PPP6R2: variants seen among roughly 807,000 people sequenced by gnomAD.
The protein encoded by PPP6R2 is protein phosphatase 6 regulatory subunit 2.
In PPP6R2, 62 loss-of-function variants were observed where a neutral mutation model predicts 100.2. The observed-to-expected ratio is 0.62, with a 90% CI of 0.50 to 0.76. The LOEUF is 0.76. Among genes scored for constraint, PPP6R2 ranks in the 30% least tolerant of loss-of-function variants. The probability of loss-of-function intolerance (pLI) is 0.00; values close to 1 mark genes in which losing one functional copy is unlikely to be tolerated. For synonymous variants in PPP6R2, 525 were observed against 514.7 expected (o/e 1.02, Z -0.27); for missense variants, 1,142 against 1,276.3 (o/e 0.89, Z 1.60).
At chr22:50,366,017 C>A (rs2048696324) in intron 1 of PPP6R2, among the ~76,000 whole-genome samples, 1 of 152,072 alleles carries the variant, frequency 6.6e-6, no homozygotes, top group Non-Finnish European at 1.5e-5. Context: ...GATGCCCAGA[C>A]TTTGTGAATT....
At chr22:50,434,298 G>C (rs1458332137) in intron 12 of PPP6R2, among the ~76,000 whole-genome samples, 1 of 63,412 alleles carries the variant, frequency 1.6e-5, no homozygotes, top group African/African-American at 6.9e-5. Context: ...ATGGATGCTG[G>C]GCAGGGGCCG....
At chr22:50,340,531 AT>A (rs2042361333), upstream of PPP6R2, among the ~76,000 whole-genome samples, 1 of 64,870 alleles carries the variant, frequency 1.5e-5, no homozygotes, top group Non-Finnish European at 2.9e-5. Flanking sequence ...TGTGGGGGGT[AT>A]GTGGTGTGTG....
intron 12 of PPP6R2, among the ~76,000 whole-genome samples, chr22:50,433,502 G>A (rs2063575123): frequency 2.5e-5 from 2 of 79,546 alleles, no homozygotes; most frequent in Admixed American, 1.3e-4. Flanking sequence ...GGCAGGGGCC[G>A]GGCATTTGCT....
At chr22:50,409,817 C>T (rs1486866229) in intron 4 of PPP6R2, among the ~76,000 whole-genome samples, 1 of 152,152 alleles carries the variant, frequency 6.6e-6, no homozygotes, top group Admixed American at 6.5e-5. Context: ...ACCTCTGCCT[C>T]CAGGGTTCAA....
At chr22:50,365,309 G>A (rs955233495) in intron 1 of PPP6R2, among the ~76,000 whole-genome samples, 3 of 152,000 alleles carry the variant, frequency 2.0e-5, no homozygotes, top group East Asian at 2.0e-4. Context: ...GACCTCAGGC[G>A]ATGCATCTGC....
intron 4 of PPP6R2, among the ~76,000 whole-genome samples, chr22:50,408,446 C>A (rs895025021): frequency 8.5e-5 from 13 of 152,092 alleles, no homozygotes; most frequent in Admixed American, 8.5e-4. Context: ...GTTGCAAGGG[C>A]CGCCAGGGGA....
intron 3 of PPP6R2, among the ~76,000 whole-genome samples, chr22:50,397,015 G>T (rs1168739542): frequency 3.9e-5 from 6 of 152,172 alleles, no homozygotes; most frequent in African/African-American, 1.4e-4. Context: ...GGGGCAAGGA[G>T]AGTGGGGAGG....
intron 22 of PPP6R2, 178 bp downstream of exon 22, chr22:50,441,204 C>T (rs1291997986): frequency 1.2e-5 from 7 of 608,010 alleles, no homozygotes; most frequent in African/African-American, 1.8e-5. Flanking sequence ...GTGGTGCCCA[C>T]GCGTTTACGT....
chr22:50,357,807 G>A (rs2046930247), intron 1 of PPP6R2, among the ~76,000 whole-genome samples: 1 of 152,008 alleles, frequency 6.6e-6, no homozygotes, highest in African/African-American at 2.4e-5. Context: ...TGTATTTTTA[G>A]TAGAGACAGG....
intron 2 of PPP6R2, among the ~76,000 whole-genome samples, chr22:50,373,576 A>C (rs2050782935): frequency 7.1e-6 from 1 of 141,316 alleles, no homozygotes; most frequent in Non-Finnish European, 1.6e-5. Flanking sequence ...TTTCAAGACA[A>C]GGTCTCACTT....
intron 1 of PPP6R2, among the ~76,000 whole-genome samples, chr22:50,351,863 G>A (rs919239138): frequency 3.9e-5 from 6 of 151,904 alleles, no homozygotes; most frequent in Admixed American, 6.6e-5. Flanking sequence ...GCGCGATCTC[G>A]GCTCACTGCA....
chr22:50,352,511 C>T (rs576375553), intron 1 of PPP6R2, among the ~76,000 whole-genome samples: 205 of 151,976 alleles, frequency 1.3e-3, no homozygotes, highest in Non-Finnish European at 2.6e-3. Context: ...AGGTGGATCA[C>T]GAGGTCAGGA....
chr22:50,394,600 TAAAAAAAA>T (rs67708136), intron 3 of PPP6R2, among the ~76,000 whole-genome samples: 3 of 80,564 alleles, frequency 3.7e-5, no homozygotes, highest in Non-Finnish European at 4.5e-5. Flanking sequence ...ACCCTGTCTT[TAAAAAAAA>T]AAAAAAAAAA....
Position 50,423,595 on chromosome 22 carries a change from A to G in PPP6R2, c.1106A>G (p.Asn369Ser), listed in dbSNP as rs1446188417. ...PSINQELCRL[N>S]TMDLLLDLFF... The stretch of plus-strand genomic sequence containing the variant: ...ATCAACCAGGAGCTCTGCCGGCTCA[A>G]CACGATGGACTTACTGCTGGTAAGT... The change falls in exon 10 of 24, where the codon AAC becomes AGC. Residue 369 changes from asparagine (N) to serine (S), a missense_variant. Physicochemically the swap from Asn to Ser is conservative, Grantham distance 46. This residue lies in a region of PPP6R2 where 592 missense variants were observed against 758.9 expected (regional missense o/e 0.78). Transcript: ENST00000612753. This position sits in a 1 kb window ranked among gnomAD's most constrained non-coding sequence, Gnocchi z 4.8. 3 of 1,614,050 alleles carry G rather than the reference A, an allele frequency of 1.9e-6. No individual in the cohort carries two copies. The highest frequency in any genetic ancestry group is 2.2e-5 in the East Asian group (1 of 44,894).
chr22:50,435,088 C>T lies in PPP6R2; in HGVS notation c.1516+7C>T. 2 of 1,524,744 alleles carry T rather than the reference C, an allele frequency of 1.3e-6. No homozygotes were observed. Among genetic ancestry groups the T allele is most frequent in the Non-Finnish European group, 8.8e-7 (1 of 1,134,258 alleles). The allele number at this position is 1,524,744 out of a possible 1,614,324, so 94.5% of individuals were successfully genotyped here. ...ATCAGCGAGGTCATCCGAGGTGAGC[C>T]CCCAACCCGGTCATCCTTCTGCTGG... On this transcript the variant is annotated splice_region_variant and intron_variant, in intron 13 of 23. Transcript: ENST00000612753.
chr22:50,367,857 C>T (rs965752912), intron 1 of PPP6R2, among the ~76,000 whole-genome samples: 1 of 152,100 alleles, frequency 6.6e-6, no homozygotes, highest in Non-Finnish European at 1.5e-5. Flanking sequence ...GGGACCACTA[C>T]TACCAAGACA....
Position 50,436,225 on chromosome 22 carries a change from T to C in PPP6R2, c.1517-142T>C, listed in dbSNP as rs909891844. ...CCTCTTTCTCATCCGGCAAAGCCCC[T>C]GCTTCAGGCCCTCAGACGGGCTGAC... On this transcript the variant is annotated intron_variant, in intron 13 of 23. Transcript: ENST00000612753. 6 of 695,660 alleles carry C rather than the reference T, an allele frequency of 8.6e-6. No homozygotes were observed. The African/African-American group carries it at 9.0e-5, about 10-fold the overall frequency. The allele number at this position is 695,660 out of a possible 1,614,324, so 43.1% of individuals were successfully genotyped here.
chr22:50,337,397 T>TATA, the PPP6R2 span, among the ~76,000 whole-genome samples: 1 of 136,948 alleles, frequency 7.3e-6, no homozygotes, highest in Admixed American at 7.4e-5. Context: ...GTGTGTAGTG[T>TATA]GTGTGTGCGA....
chr22:50,347,518 A>G (rs1395799903), intron 1 of PPP6R2, among the ~76,000 whole-genome samples: 1 of 148,670 alleles, frequency 6.7e-6, no homozygotes, highest in Non-Finnish European at 1.5e-5. Context: ...ACCTTCCCCC[A>G]TGCACCGTAC....
Sources: allele counts gnomAD v4.1 joint callset (sites outside exome capture counted in the v4.1 genomes callset), GRCh38; gene constraint gnomAD v4.1.1; regional missense constraint gnomAD v4.1.1; non-coding constraint Gnocchi (gnomAD v3.1); transcripts MANE v1.5; gene names NCBI Gene and HGNC (gene_info 2026-07-23, HGNC 2026-07-21).